The following NRG3 variants were observed in gnomAD, a reference collection of about 807,000 sequenced individuals.
The protein encoded by NRG3 is pro-neuregulin-3, membrane-bound isoform.
In NRG3, 31 loss-of-function variants were observed where a neutral mutation model predicts 66.9. The ratio of observed to expected loss-of-function variants is 0.46; its 90% CI spans 0.35 to 0.63. The LOEUF (loss-of-function observed/expected upper bound fraction) is 0.63, where lower values mean the gene tolerates loss of function less well. Ranked by LOEUF, NRG3 falls within the 20% of genes least tolerant of loss-of-function variation. The probability of loss-of-function intolerance (pLI) is 0.00; values close to 1 mark genes in which losing one functional copy is unlikely to be tolerated. For synonymous variants in NRG3, 393 were observed against 359.4 expected (o/e 1.09, Z -1.06); for missense variants, 910 against 878.9 (o/e 1.04, Z -0.45).
At chr10:82,814,655 G>T (rs1036349805) in intron 3 of NRG3, among the ~76,000 whole-genome samples, 4 of 152,130 alleles carry the variant, frequency 2.6e-5, no homozygotes, top group African/African-American at 9.7e-5. Context: ...ATTATTTTTT[G>T]AGTTTTAGGA....
At chr10:82,036,912 G>A (rs2062816575) in intron 1 of NRG3, among the ~76,000 whole-genome samples, 1 of 152,122 alleles carries the variant, frequency 6.6e-6, no homozygotes, top group Non-Finnish European at 1.5e-5. Flanking sequence ...GGTAGCAATT[G>A]CTATAACATG....
At chr10:82,699,380 GTT>G (rs1257943029) in intron 2 of NRG3, among the ~76,000 whole-genome samples, 1 of 151,932 alleles carries the variant, frequency 6.6e-6, no homozygotes, top group Non-Finnish European at 1.5e-5. Flanking sequence ...TTAATTACTA[GTT>G]ATAACACCTG....
intron 1 of NRG3, among the ~76,000 whole-genome samples, chr10:82,041,826 CTCTG>C (rs1259052572): frequency 2.0e-5 from 3 of 151,160 alleles, no homozygotes; most frequent in African/African-American, 7.3e-5. Flanking sequence ...CTCTCTCTCT[CTCTG>C]TCTATTTCAT....
At chr10:82,737,294 C>T (rs995830930) in intron 2 of NRG3, among the ~76,000 whole-genome samples, 2 of 152,016 alleles carry the variant, frequency 1.3e-5, no homozygotes, top group Non-Finnish European at 2.9e-5. Context: ...AGAGCCTGCC[C>T]GATTACCTGA....
At chr10:82,261,802 C>T (rs535062026) in intron 1 of NRG3, among the ~76,000 whole-genome samples, 80 of 152,252 alleles carry the variant, frequency 5.3e-4, no homozygotes, top group Non-Finnish European at 7.4e-4. Context: ...AGCAGTTTTC[C>T]GCCCTGGGTG....
intron 2 of NRG3, among the ~76,000 whole-genome samples, chr10:82,654,017 C>A (rs545337942): frequency 6.6e-6 from 1 of 152,266 alleles, no homozygotes; most frequent in Admixed American, 6.5e-5. Context: ...GAAAAGTAAG[C>A]TGCACAGAGC....
At chr10:82,299,499 G>T (rs1322166899) in intron 1 of NRG3, among the ~76,000 whole-genome samples, 1 of 151,604 alleles carries the variant, frequency 6.6e-6, no homozygotes, top group Non-Finnish European at 1.5e-5. Context: ...TAGCGAAGAG[G>T]CCAGCATTTT....
chr10:82,959,016 G>T lies in NRG3; in HGVS notation c.1225G>T (p.Ala409Ser), dbSNP rs773330603. The T allele has an allele frequency of 6.2e-7, 1 of 1,608,456 alleles. No homozygotes were observed. The highest frequency in any genetic ancestry group is 1.1e-5 in the South Asian group (1 of 89,816). Residue 409 changes from alanine (A) to serine (S), a missense_variant, in exon 6 of 9, where the codon GCA (alanine) becomes TCA (serine). By Grantham distance (99) the Ala-to-Ser change is moderately conservative. Transcript: ENST00000372141. ...AAATGGTAAAAGCTACAGTCTCAAA[G>T]CATCCAGCACAATGGCAAAGTCAGA... is the stretch of plus-strand genomic sequence containing the variant. ...PQNGKSYSLK[A>S]SSTMAKSENL...
At chr10:82,383,705 C>T (rs2085783206) in intron 2 of NRG3, among the ~76,000 whole-genome samples, 1 of 151,920 alleles carries the variant, frequency 6.6e-6, no homozygotes, top group Non-Finnish European at 1.5e-5. Context: ...GTTTATGTTA[C>T]AGTAATCTGA....
intron 8 of NRG3, among the ~76,000 whole-genome samples, chr10:82,982,573 G>A (rs1453000580): frequency 6.6e-6 from 1 of 152,100 alleles, no homozygotes; most frequent in Non-Finnish European, 1.5e-5. Context: ...GGGGAAGTGA[G>A]GCTTGCCACT....
rs201473623 is a variant in NRG3 at position 82,358,743 on chromosome 10, G to A, written c.828G>A (p.Thr276=). 189 of 1,614,028 alleles carry A rather than the reference G, an allele frequency of 1.2e-4. 1 individual carries two copies. In the East Asian group the frequency reaches 2.7e-3, roughly 23 times the overall value. ...CCCCTGTGCTTTCCCTGACAGATAC[G>A]ACGACATATTCCACAGAGCGATCCG... The part of the protein sequence containing the change: ...PETSTSPKFH[T]TTYSTERSEH... The change falls in exon 2 of 9, where the codon ACG becomes ACA. Residue 276 remains threonine (T), a synonymous_variant. Coordinates refer to ENST00000372141, the MANE Select transcript of NRG3 (RefSeq NM_001010848.4).
rs139068815 is a variant in NRG3, at chr10:82,034,519, A to T, written c.823+158356A>T. Among the ~76,000 whole-genome samples the T allele has an allele frequency of 3.2e-4, 49 of 152,170 alleles. No individual in the cohort carries two copies. The East Asian group carries it at 7.4e-3, about 23-fold the overall frequency. The stretch of plus-strand genomic sequence containing the variant: ...GAAGCAAGCTACTTAATTTCTTTCT[A>T]TTTCATTTTCCTTATATCTAAAATG... On this transcript the variant is annotated intron_variant, in intron 1 of 8. Coordinates refer to ENST00000372141, the MANE Select transcript of NRG3 (RefSeq NM_001010848.4).
chr10:82,050,873 T>A (rs1196729360), intron 1 of NRG3, among the ~76,000 whole-genome samples: 3 of 151,990 alleles, frequency 2.0e-5, no homozygotes, highest in Non-Finnish European at 4.4e-5. Flanking sequence ...TTTACCCTGG[T>A]CATTTCTTTA....
At chr10:82,570,332 A>G (rs74426352) in intron 2 of NRG3, among the ~76,000 whole-genome samples, 5,219 of 151,694 alleles carry the variant, frequency 0.034, 308 homozygotes, top group African/African-American at 0.12. Context: ...TGTTCTCTCT[A>G]CAATTTTGTC....
intron 1 of NRG3, among the ~76,000 whole-genome samples, chr10:82,094,582 A>G (rs1263274835): frequency 1.3e-5 from 2 of 152,222 alleles, no homozygotes; most frequent in African/African-American, 2.4e-5. Flanking sequence ...TACAGAATCA[A>G]TCTAAGTGTC....
chr10:82,473,628 A>C (rs1232758918), intron 2 of NRG3, among the ~76,000 whole-genome samples: 1 of 152,198 alleles, frequency 6.6e-6, no homozygotes, highest in Non-Finnish European at 1.5e-5. Context: ...TTCACTTGCC[A>C]TTGCCCCTTT....
At chr10:82,547,797 T>C (rs767674429) in intron 2 of NRG3, among the ~76,000 whole-genome samples, 2 of 152,104 alleles carry the variant, frequency 1.3e-5, no homozygotes, top group Non-Finnish European at 2.9e-5. Context: ...TATAGATCCA[T>C]GGTCAGTATT....
chr10:82,952,294 A>C (rs563665422), intron 5 of NRG3, among the ~76,000 whole-genome samples: 1 of 152,136 alleles, frequency 6.6e-6, no homozygotes, highest in South Asian at 2.1e-4. Flanking sequence ...TTAGTTGGGC[A>C]TGGTGGCGTG....
intron 6 of NRG3, among the ~76,000 whole-genome samples, chr10:82,970,851 T>C (rs1851658189): frequency 6.6e-6 from 1 of 152,218 alleles, no homozygotes; most frequent in African/African-American, 2.4e-5. Context: ...TGTATTTCCA[T>C]TATCCAAAGA....
Sources: allele counts gnomAD v4.1 joint callset (sites outside exome capture counted in the v4.1 genomes callset), GRCh38; gene constraint gnomAD v4.1.1; transcripts MANE v1.5; gene names NCBI Gene and HGNC (gene_info 2026-07-23, HGNC 2026-07-21).